The following ABHD12B variants were observed in gnomAD, a reference collection of about 807,000 sequenced individuals.
The protein encoded by ABHD12B is abhydrolase domain containing 12B.
A neutral mutation model predicts 50.4 loss-of-function variants in ABHD12B; 42 were observed. That is an observed-to-expected ratio of 0.83 (90% CI 0.65 to 1.08). The LOEUF (loss-of-function observed/expected upper bound fraction) is 1.08, where lower values mean the gene tolerates loss of function less well. Among genes scored for constraint, ABHD12B ranks in the 50% least tolerant of loss-of-function variants. ABHD12B has a pLI of 0.00. For missense variants in ABHD12B, 479 were observed against 447.7 expected (o/e 1.07, Z -0.63); for synonymous variants, 167 against 160.3 (o/e 1.04, Z -0.32).
At chr14:50,901,030 G>T (rs1476759424) in intron 9 of ABHD12B, among the ~76,000 whole-genome samples, 3 of 152,192 alleles carry the variant, frequency 2.0e-5, no homozygotes, top group African/African-American at 7.2e-5. Flanking sequence ...AAGAGATGAA[G>T]GGTGGCTTAG....
chr14:50,887,499 C>T (rs2050059520), intron 8 of ABHD12B, among the ~76,000 whole-genome samples: 1 of 152,084 alleles, frequency 6.6e-6, no homozygotes, highest in Non-Finnish European at 1.5e-5. Flanking sequence ...ATTCATTACC[C>T]TAATGCCATA....
At chr14:50,900,467 G>A (rs1555325552) in intron 9 of ABHD12B, among the ~76,000 whole-genome samples, 3 of 152,170 alleles carry the variant, frequency 2.0e-5, no homozygotes, top group Non-Finnish European at 4.4e-5. Context: ...AGTTCATATT[G>A]TTGATGGAGA....
At chr14:50,894,029 C>T (rs868187031) in intron 9 of ABHD12B, among the ~76,000 whole-genome samples, 22 of 152,222 alleles carry the variant, frequency 1.4e-4, no homozygotes, top group African/African-American at 1.7e-4. Context: ...TGTCAGACCA[C>T]GCAGGGACGC....
At chr14:50,872,341 C>T (rs1469821520) in intron 1 of ABHD12B, 63 bp downstream of exon 1, 44 of 1,145,454 alleles carry the variant, frequency 3.8e-5, no homozygotes, top group Non-Finnish European at 4.7e-5. Flanking sequence ...GGGGATGGGG[C>T]AGGGGGCCAG....
At position 50,872,068 on chromosome 14, in the gene ABHD12B, G is replaced by C; in HGVS notation, c.-107G>C. ...CCGCCGTACCAGCCTGCCTGACCGC[G>C]CGGAGGAGGAGGGCGGGCGCGGTGC... On this transcript the variant is annotated 5_prime_UTR_variant, in exon 1 of 13. Coordinates refer to ENST00000337334, the MANE Select transcript of ABHD12B (RefSeq NM_001206673.2). 1 of 818,594 alleles carries C rather than the reference G, an allele frequency of 1.2e-6. No homozygotes were observed. Among genetic ancestry groups the C allele is most frequent in the South Asian group, 5.9e-5 (1 of 16,912 alleles). 50.7% of individuals were successfully genotyped at this position (818,594 alleles called of 1,614,324 possible).
chr14:50,903,665 C>T (rs1019844093), intron 11 of ABHD12B, among the ~76,000 whole-genome samples, 198 bp downstream of exon 11: 5 of 152,156 alleles, frequency 3.3e-5, no homozygotes, highest in African/African-American at 1.2e-4. Flanking sequence ...GTGTTTGTGG[C>T]AGAGCCTGGC....
chr14:50,896,034 CG>C, intron 9 of ABHD12B, among the ~76,000 whole-genome samples: 1 of 152,128 alleles, frequency 6.6e-6, no homozygotes, highest in African/African-American at 2.4e-5. Flanking sequence ...GCCTCCTTTG[CG>C]TCCTCCTCTT....
chr14:50,886,550 A>G, intron 7 of ABHD12B, 97 bp from the exon 8 acceptor site: 1 of 1,219,130 alleles, frequency 8.2e-7, no homozygotes, highest in Non-Finnish European at 1.2e-6. Context: ...CATTTTTCTA[A>G]CCAGAGAGCC....
chr14:50,885,995 A>G, intron 7 of ABHD12B, 100 bp downstream of exon 7: 1 of 1,520,378 alleles, frequency 6.6e-7, no homozygotes, highest in Non-Finnish European at 9.0e-7. Flanking sequence ...GAGCCAGAAG[A>G]CAGGGACTCT....
At position 50,878,825 on chromosome 14, in the gene ABHD12B, C is replaced by A. The variant is rs770420132; in HGVS notation, c.313C>A (p.Pro105Thr). 1 of 1,613,766 alleles carries A rather than the reference C, an allele frequency of 6.2e-7. No individual in the cohort carries two copies. Among genetic ancestry groups the A allele is most frequent in the Non-Finnish European group, 8.5e-7 (1 of 1,179,834 alleles). ...AGTGAACTTCTACCTGAGAGTTGAACCTGGGGTGATGCTAGGGATCTGGTG... is the reference window on the plus strand; with the variant it reads ...AGTGAACTTCTACCTGAGAGTTGAAACTGGGGTGATGCTAGGGATCTGGTG... ...HTVNFYLRVE[P>T]GVMLGIWHTV... The change falls in exon 3 of 13, where the codon CCT (proline) becomes ACT (threonine). Residue 105 changes from proline (P) to threonine (T), a missense_variant. Transcript: ENST00000337334.
chr14:50,881,740 C>T (rs1431959455), intron 5 of ABHD12B, 114 bp downstream of exon 5: 1 of 1,298,654 alleles, frequency 7.7e-7, no homozygotes, highest in East Asian at 2.3e-5. Context: ...GGGTACTGGT[C>T]AGGGTGGGTT....
intron 1 of ABHD12B, among the ~76,000 whole-genome samples, chr14:50,873,826 T>C (rs2049821425): frequency 6.6e-6 from 1 of 152,152 alleles, no homozygotes; most frequent in African/African-American, 2.4e-5. Flanking sequence ...ATCATACTCA[T>C]AGAGAATAAC....
In ABHD12B at chr14:50,898,626, G is replaced by A. The variant is rs914944746; in HGVS notation, c.781-3203G>A. 5.3e-5 allele frequency among the ~76,000 whole-genome samples: 8 copies of A among 152,226 alleles called. No homozygotes were observed. The South Asian group carries it at 8.3e-4, about 16-fold the overall frequency. On this transcript the variant is annotated intron_variant, in intron 9 of 12. Transcript: ENST00000337334. ...GAGGAATAATGAGAGTAGATTGACC[G>A]GGGCTTGCTTTCTTCCTACTCTTTC... is the stretch of plus-strand genomic sequence containing the variant.
intron 9 of ABHD12B, among the ~76,000 whole-genome samples, chr14:50,900,166 A>T (rs1355979201): frequency 2.0e-5 from 3 of 152,100 alleles, no homozygotes; most frequent in Non-Finnish European, 4.4e-5. Context: ...CAGGAGTTTG[A>T]GCGCTGCAGT....
chr14:50,903,461 GA>G lies in ABHD12B; in HGVS notation c.941del (p.Lys314SerfsTer37). On this transcript the variant is annotated frameshift_variant, in exon 11 of 13. Coordinates refer to ENST00000337334, the MANE Select transcript of ABHD12B (RefSeq NM_001206673.2). LOFTEE classifies it high-confidence loss of function. ...DDRTVPLEYG[K>X]KLYEIARNAY... ...ACAGGACAGTGCCTTTGGAGTATGG[GA>G]AAAAGGTAAACTAAGGGCTCAATGC... 4 of 1,610,596 alleles carry G rather than the reference GA, an allele frequency of 2.5e-6. No individual in the cohort carries two copies. Among genetic ancestry groups the G allele is most frequent in the Admixed American group, 1.7e-5 (1 of 59,390 alleles).
At chr14:50,886,741 C>A in intron 8 of ABHD12B, 57 bp downstream of exon 8, 1 of 1,479,596 alleles carries the variant, frequency 6.8e-7, no homozygotes, top group Non-Finnish European at 9.3e-7. Context: ...AAAGTAAAAA[C>A]AGTCAAGAGA....
At chr14:50,873,704 C>T (rs962859932) in intron 1 of ABHD12B, among the ~76,000 whole-genome samples, 5 of 152,064 alleles carry the variant, frequency 3.3e-5, no homozygotes, top group African/African-American at 9.7e-5. Context: ...ATTCTGGGAA[C>T]GTTGACATCT....
At chr14:50,899,118 G>A (rs12587893) in intron 9 of ABHD12B, among the ~76,000 whole-genome samples, 28,879 of 152,080 alleles carry the variant, frequency 0.19, 3,440 homozygotes, top group East Asian at 0.45. Flanking sequence ...ACTTGAACCC[G>A]GGAGGCGGAG....
intron 8 of ABHD12B, among the ~76,000 whole-genome samples, chr14:50,887,190 C>A (rs1047517672): frequency 1.1e-5 from 1 of 93,660 alleles, no homozygotes; most frequent in Non-Finnish European, 1.9e-5. Flanking sequence ...CTAGCCTGGG[C>A]GACAGAGCAA....
Sources: allele counts gnomAD v4.1 joint callset (sites outside exome capture counted in the v4.1 genomes callset), GRCh38; gene constraint gnomAD v4.1.1; transcripts MANE v1.5; gene names NCBI Gene and HGNC (gene_info 2026-07-23, HGNC 2026-07-21).